C10orf67: variants seen among roughly 807,000 people sequenced by gnomAD.
C10orf67 encodes uncharacterized protein C10orf67, mitochondrial.
In C10orf67, 60 loss-of-function variants were observed where a neutral mutation model predicts 35.6. The observed-to-expected ratio is 1.68, with a 90% CI of 1.37 to 2.09. C10orf67 has a LOEUF of 2.09. Ranked by LOEUF, C10orf67 falls within the 30% of genes most tolerant of loss-of-function variation. The probability of loss-of-function intolerance (pLI) is 0.00; values close to 1 mark genes in which losing one functional copy is unlikely to be tolerated. For synonymous variants in C10orf67, 167 were observed against 115.8 expected (o/e 1.44, Z -2.84); for missense variants, 474 against 330.2 (o/e 1.44, Z -3.38).
chr10:23,241,479 T>A (rs1007599983), intron 12 of C10orf67, among the ~76,000 whole-genome samples: 21 of 152,196 alleles, frequency 1.4e-4, no homozygotes, highest in Non-Finnish European at 2.6e-4. Flanking sequence ...TAGGCATGAT[T>A]ATTTGGGGGC....
chr10:23,343,847 G>A, intron 1 of C10orf67: 2 of 454,946 alleles, frequency 4.4e-6, no homozygotes, highest in South Asian at 3.2e-5. Context: ...CGTTGAGCGA[G>A]GGCCGGGGCG....
intron 7 of C10orf67, among the ~76,000 whole-genome samples, chr10:23,283,893 C>T (rs1000362374): frequency 6.6e-6 from 1 of 152,134 alleles, no homozygotes; most frequent in Admixed American, 6.5e-5. Context: ...CTCTCTGACT[C>T]CGGGTCTGCC....
intron 15 of C10orf67, among the ~76,000 whole-genome samples, chr10:23,213,947 C>A: frequency 6.7e-6 from 1 of 149,846 alleles, no homozygotes. Context: ...CTTTAAGTTG[C>A]TTAAAAGAGA....
intron 12 of C10orf67, among the ~76,000 whole-genome samples, chr10:23,248,236 C>T (rs16923146): frequency 0.16 from 24,745 of 152,120 alleles, 2,168 homozygotes; most frequent in Middle Eastern, 0.23. Context: ...ATGTGGATTG[C>T]CGCCTGGGGT....
In C10orf67 at chr10:23,306,853, A is replaced by G. The variant is rs147603194; in HGVS notation, c.547-3394T>C. On this transcript the variant is annotated intron_variant, in intron 4 of 15. Transcript: ENST00000636213. Reference sequence around the variant, plus strand: ...ACATTGTATACCTTGAATATATACAATTTATATTTGTCAATTATACATCAG... The same window carrying G: ...ACATTGTATACCTTGAATATATACAGTTTATATTTGTCAATTATACATCAG... 2.6e-4 allele frequency among the ~76,000 whole-genome samples: 39 copies of G among 152,292 alleles called. No homozygotes were observed. The East Asian group carries it at 7.3e-3, about 29-fold the overall frequency.
intron 13 of C10orf67, among the ~76,000 whole-genome samples, chr10:23,224,414 G>A (rs560062522): frequency 2.1e-4 from 32 of 152,182 alleles, no homozygotes; most frequent in African/African-American, 7.0e-4. Context: ...TAGATAAAAC[G>A]ACAAGGATGG....
intron 15 of C10orf67, among the ~76,000 whole-genome samples, chr10:23,207,062 C>T (rs925239294): frequency 3.3e-5 from 5 of 152,016 alleles, no homozygotes; most frequent in Non-Finnish European, 5.9e-5. Context: ...TGTTTCATTG[C>T]AAGGCCACCA....
intron 13 of C10orf67, among the ~76,000 whole-genome samples, chr10:23,226,915 C>T (rs940113167): frequency 6.6e-6 from 1 of 152,082 alleles, no homozygotes; most frequent in South Asian, 2.1e-4. Flanking sequence ...CTGAATAGAC[C>T]AATAACAGGA....
intron 8 of C10orf67, among the ~76,000 whole-genome samples, chr10:23,281,383 T>TCA (rs1843360197): frequency 6.6e-6 from 1 of 152,230 alleles, no homozygotes; most frequent in South Asian, 2.1e-4. Flanking sequence ...CAAGCACATT[T>TCA]AGAACGCAAG....
chr10:23,204,768 G>A (rs1841113704), intron 15 of C10orf67, among the ~76,000 whole-genome samples: 1 of 152,220 alleles, frequency 6.6e-6, no homozygotes, highest in Admixed American at 6.5e-5. Flanking sequence ...GGAATGGGAA[G>A]ATGTCCCCAC....
chr10:23,284,677 C>A (rs538814248), intron 7 of C10orf67, among the ~76,000 whole-genome samples: 1 of 151,632 alleles, frequency 6.6e-6, no homozygotes, highest in African/African-American at 2.4e-5. Context: ...CAAAGCAAGA[C>A]CTTATCTCAA....
Position 23,321,732 on chromosome 10 carries a change from T to C in C10orf67, c.471+662A>G, listed in dbSNP as rs79956341. On this transcript the variant is annotated intron_variant, in intron 3 of 15. Coordinates refer to ENST00000636213, the MANE Select transcript of C10orf67 (RefSeq NM_001371909.1). ...TTAACATGGTGTGGTCAGCAAAAGA[T>C]GGTTTTTGTTTGCTTGTTTTTATGG... Among the ~76,000 whole-genome samples the C allele has an allele frequency of 6.4e-3, 971 of 152,274 alleles. 15 individuals carry two copies. The highest frequency in any genetic ancestry group is 0.022 in the African/African-American group (931 of 41,552).
intron 12 of C10orf67, among the ~76,000 whole-genome samples, chr10:23,245,695 A>G (rs937765784): frequency 6.6e-6 from 1 of 152,216 alleles, no homozygotes; most frequent in Non-Finnish European, 1.5e-5. Context: ...TCAGAAAGAC[A>G]AAAGATAACA....
In C10orf67 at chr10:23,208,283, G is replaced by A. The variant is rs139745949; in HGVS notation, c.1571-4028C>T. 1.9e-3 allele frequency among the ~76,000 whole-genome samples: 294 copies of A among 152,288 alleles called. 1 individual carries two copies. The highest frequency in any genetic ancestry group is 3.9e-3 in the African/African-American group (163 of 41,566). ...ATGCTGTTATCACACAGTTTCATGC[G>A]TGAATTTATAGGTTCCCAAAGAAAT... On this transcript the variant is annotated intron_variant, in intron 15 of 15. Transcript: ENST00000636213.
At chr10:23,246,018 T>C (rs915392084) in intron 12 of C10orf67, among the ~76,000 whole-genome samples, 1 of 152,114 alleles carries the variant, frequency 6.6e-6, no homozygotes, top group Non-Finnish European at 1.5e-5. Context: ...TACTGCACAG[T>C]CATAAAAAGA....
At chr10:23,222,428 T>A (rs1799333908) in intron 15 of C10orf67, among the ~76,000 whole-genome samples, 1 of 152,172 alleles carries the variant, frequency 6.6e-6, no homozygotes, top group South Asian at 2.1e-4. Context: ...AAATACTGCA[T>A]GTTCTCACTT....
rs370136645 is a variant in C10orf67, at chr10:23,274,340, G to A, written c.976-7086C>T. 5.9e-5 allele frequency among the ~76,000 whole-genome samples: 9 copies of A among 152,276 alleles called. No homozygotes were observed. The South Asian group carries it at 1.2e-3, about 21-fold the overall frequency. On this transcript the variant is annotated intron_variant, in intron 8 of 15. Coordinates refer to ENST00000636213, the MANE Select transcript of C10orf67 (RefSeq NM_001371909.1). ...ACCAGGCTGGAATTTCCCAATCCTA[G>A]TAAGCCTGAGGGCACTGCAGGAGAC...
rs141334453 is a variant in C10orf67, at chr10:23,278,932, T to C, written c.975+3081A>G. ...CAGGAGAGCTCTTCCTTTCACAAGG[T>C]TTGCCTTCTAGCTCTTTGACTTCCT... On this transcript the variant is annotated intron_variant, in intron 8 of 15. Transcript: ENST00000636213. Among the ~76,000 whole-genome samples, 444 of 152,226 alleles carry C rather than the reference T, an allele frequency of 2.9e-3. 2 individuals are homozygous for C. Among genetic ancestry groups the C allele is most frequent in the African/African-American group, 0.01 (417 of 41,532 alleles).
intron 5 of C10orf67, among the ~76,000 whole-genome samples, chr10:23,294,091 G>A (rs974826143): frequency 6.6e-6 from 1 of 152,210 alleles, no homozygotes; most frequent in African/African-American, 2.4e-5. Context: ...GAGGAGCAGA[G>A]TTCTGATGCA....
Sources: gnomAD v4.1 joint callset for allele counts (sites outside exome capture counted in the v4.1 genomes callset) on GRCh38, gnomAD v4.1.1 for gene constraint, MANE v1.5 for transcripts, NCBI Gene and HGNC (gene_info 2026-07-23, HGNC 2026-07-21) for gene names.